Variants in ENPP3 observed in about 807,000 individuals in gnomAD.
ENPP3 encodes ectonucleotide pyrophosphatase/phosphodiesterase family member 3.
ENPP3 carries 104 observed loss-of-function variants against 117.8 expected under a neutral mutation model. The ratio of observed to expected loss-of-function variants is 0.88; its 90% confidence interval spans 0.75 to 1.04. The LOEUF (loss-of-function observed/expected upper bound fraction) is 1.04, where lower values mean the gene tolerates loss of function less well. ENPP3 is among the 50% of genes least tolerant of loss of function. The pLI, the probability that ENPP3 is intolerant of heterozygous loss-of-function variation, is 0.00. For missense variants in ENPP3, 1,026 were observed against 1,051.9 expected, an observed-to-expected ratio of 0.98 and a Z score of 0.34; for synonymous variants, 380 against 349.9, an observed-to-expected ratio of 1.09 and a Z score of -0.96.
intron 15 of ENPP3, among the ~76,000 whole-genome samples, chr6:131,696,179 T>C (rs759484975): frequency 2.6e-5 from 4 of 152,242 alleles, no homozygotes; most frequent in African/African-American, 7.2e-5. Flanking sequence ...TGTTTTGATA[T>C]AGTAGAAGTA....
chr6:131,676,733 C>T lies in ENPP3; in HGVS notation c.873-3C>T. On this transcript the variant is annotated splice_polypyrimidine_tract_variant and splice_region_variant and intron_variant, in intron 9 of 24. Coordinates refer to ENST00000357639, the MANE Select transcript of ENPP3 (RefSeq NM_005021.5). ...AAGAATTATTTCTACCCTATTTTTT[C>T]AGAAGTGTCCCATTTGAAGAGAGGA... 6.3e-7 allele frequency: 1 copy of T among 1,585,426 alleles called. No homozygotes were observed. Among genetic ancestry groups the T allele is most frequent in the Non-Finnish European group, 8.7e-7 (1 of 1,154,608 alleles).
In ENPP3 at chr6:131,747,016, G is replaced by C; in HGVS notation, c.*60G>C. On this transcript the variant is annotated 3_prime_UTR_variant, in exon 25 of 25. Transcript: ENST00000357639. ...ATAAAGTAATTTTGGCAAAATATAA[G>C]TGATTTTTTTCTGGAGAATTGTAAA... is the stretch of plus-strand genomic sequence containing the variant. The C allele has an allele frequency of 1.1e-6, 1 of 901,080 alleles. No individual in the cohort carries two copies. Among genetic ancestry groups the C allele is most frequent in the African/African-American group, 1.8e-5 (1 of 56,584 alleles). 55.8% of individuals were successfully genotyped at this position (901,080 alleles called of 1,614,324 possible).
At chr6:131,673,605 A>T (rs1778797147) in intron 7 of ENPP3, among the ~76,000 whole-genome samples, 1 of 152,034 alleles carries the variant, frequency 6.6e-6, no homozygotes, top group South Asian at 2.1e-4. Flanking sequence ...AATAATATGT[A>T]CAACAAACCC....
rs539108756 is a variant in ENPP3 at position 131,731,977 on chromosome 6, C to T, written c.1954-1611C>T. 6.6e-5 allele frequency among the ~76,000 whole-genome samples: 10 copies of T among 152,284 alleles called. 1 individual carries two copies. In the South Asian group the frequency reaches 2.1e-3, roughly 32 times the overall value. On this transcript the variant is annotated intron_variant, in intron 20 of 24. Coordinates refer to ENST00000357639, the MANE Select transcript of ENPP3 (RefSeq NM_005021.5). ...TGCTTTGCTTTTTCTGGACTTTTCTCATCTTCAGCTCCTACTTGTTCTATA... is the reference window on the plus strand; with the variant it reads ...TGCTTTGCTTTTTCTGGACTTTTCTTATCTTCAGCTCCTACTTGTTCTATA...
At chr6:131,736,356 C>T (rs539815566) in intron 21 of ENPP3, among the ~76,000 whole-genome samples, 2 of 152,264 alleles carry the variant, frequency 1.3e-5, no homozygotes, top group Middle Eastern at 3.4e-3. Flanking sequence ...ACATGCCTGG[C>T]GATGCCTCAC....
intron 6 of ENPP3, among the ~76,000 whole-genome samples, chr6:131,664,820 A>G (rs899241029): frequency 7.2e-5 from 11 of 152,158 alleles, no homozygotes; most frequent in Non-Finnish European, 1.5e-5. Flanking sequence ...AGGCTTTACC[A>G]TCTAGGTTTG....
intron 7 of ENPP3, among the ~76,000 whole-genome samples, chr6:131,672,725 CA>C (rs1303432640): frequency 6.6e-6 from 1 of 151,162 alleles, no homozygotes; most frequent in Non-Finnish European, 1.5e-5. Flanking sequence ...GGATTATGCA[CA>C]AATGCAATTA....
chr6:131,709,432 G>C, intron 15 of ENPP3: 1 of 1,594,602 alleles, frequency 6.3e-7, no homozygotes, highest in Non-Finnish European at 8.5e-7. Flanking sequence ...TTCAGATGAA[G>C]GCCGACCCAA....
chr6:131,737,251 A>G, intron 21 of ENPP3, 104 bp from the exon 22 acceptor site: 4 of 686,536 alleles, frequency 5.8e-6, no homozygotes, highest in South Asian at 2.1e-5. Flanking sequence ...CTGTGCTTTG[A>G]CTGTTAATAA....
chr6:131,693,788 C>T (rs1001988734), intron 15 of ENPP3, among the ~76,000 whole-genome samples, 164 bp downstream of exon 15: 2 of 152,190 alleles, frequency 1.3e-5, no homozygotes, highest in Non-Finnish European at 2.9e-5. Context: ...TTGAAGTGAT[C>T]GTTATTAGAT....
intron 5 of ENPP3, among the ~76,000 whole-genome samples, chr6:131,654,969 T>C (rs1778354120): frequency 6.6e-6 from 1 of 152,148 alleles, no homozygotes; most frequent in Admixed American, 6.5e-5. Flanking sequence ...TCTATGAAAC[T>C]GAAATAATAA....
At chr6:131,743,481 A>G (rs1157955714) in intron 24 of ENPP3, among the ~76,000 whole-genome samples, 2 of 152,132 alleles carry the variant, frequency 1.3e-5, no homozygotes, top group African/African-American at 4.8e-5. Context: ...AGACTTCCCA[A>G]TATAAAAAAT....
intron 15 of ENPP3, among the ~76,000 whole-genome samples, chr6:131,699,267 G>GTT (rs1779477979): frequency 7.7e-6 from 1 of 130,666 alleles, no homozygotes; most frequent in Non-Finnish European, 1.6e-5. Context: ...GGATAAAATA[G>GTT]TTTTAGGACA....
At chr6:131,696,769 CTTTTT>C (rs71710247) in intron 15 of ENPP3, among the ~76,000 whole-genome samples, 1 of 133,042 alleles carries the variant, frequency 7.5e-6, no homozygotes. Context: ...CCCAGAGCAC[CTTTTT>C]TTTTTTTTTT....
intron 3 of ENPP3, among the ~76,000 whole-genome samples, chr6:131,651,292 T>C (rs146753267): frequency 1.3e-5 from 2 of 152,190 alleles, no homozygotes. Flanking sequence ...CTTCAACATA[T>C]TTTTAGAGGA....
chr6:131,680,350 A>C (rs1778997941), intron 11 of ENPP3, among the ~76,000 whole-genome samples: 1 of 152,158 alleles, frequency 6.6e-6, no homozygotes, highest in African/African-American at 2.4e-5. Context: ...CATTTATATT[A>C]ATAAGACTGC....
At chr6:131,644,098 C>T (rs1040090922) in intron 2 of ENPP3, among the ~76,000 whole-genome samples, 2 of 151,896 alleles carry the variant, frequency 1.3e-5, no homozygotes, top group Non-Finnish European at 2.9e-5. Flanking sequence ...CTGGCATGTT[C>T]CATTTAAGGA....
At position 131,738,151 on chromosome 6, in the gene ENPP3, A is replaced by G. The variant is rs746177235; in HGVS notation, c.2288A>G (p.Asp763Gly). ...YNYDGHFDAP[D>G]EITKHLANTD... The stretch of plus-strand genomic sequence containing the variant: ...TATGATGGCCATTTTGATGCTCCAG[A>G]TGAAATTACCAAGTAAGTGATTTGA... Residue 763 changes from aspartate to glycine, a missense_variant, in exon 23 of 25, where the codon GAT (aspartate) becomes GGT (glycine). Coordinates refer to ENST00000357639, the MANE Select transcript of ENPP3 (RefSeq NM_005021.5). The G allele has an allele frequency of 9.9e-6, 16 of 1,611,004 alleles. No individual in the cohort carries two copies. Among genetic ancestry groups the G allele is most frequent in the Non-Finnish European group, 1.4e-5 (16 of 1,178,670 alleles).
At chr6:131,721,578 AT>A (rs952894705) in intron 17 of ENPP3, among the ~76,000 whole-genome samples, 1 of 152,094 alleles carries the variant, frequency 6.6e-6, no homozygotes, top group African/African-American at 2.4e-5. Flanking sequence ...TGCAAATTGT[AT>A]GTTTCTATGA....
Sources: allele counts gnomAD v4.1 joint callset (sites outside exome capture counted in the v4.1 genomes callset), GRCh38; gene constraint gnomAD v4.1.1; transcripts MANE v1.5; gene names NCBI Gene and HGNC (gene_info 2026-07-23, HGNC 2026-07-21).